The following DMRT1 variants were observed in gnomAD, a reference collection of about 807,000 sequenced individuals.
DMRT1 encodes the protein doublesex- and mab-3-related transcription factor 1.
A neutral mutation model predicts 32.3 loss-of-function variants in DMRT1; 7 were observed. That is an observed-to-expected ratio of 0.22 (90% CI 0.12 to 0.41). DMRT1 has a LOEUF of 0.41. Ranked by LOEUF, DMRT1 falls within the 10% of genes least tolerant of loss-of-function variation. The probability of loss-of-function intolerance (pLI) is 1.00; values close to 1 mark genes in which losing one functional copy is unlikely to be tolerated. For synonymous variants in DMRT1, 278 were observed against 206.1 expected (o/e 1.35, Z -2.99); for missense variants, 625 against 500.5 (o/e 1.25, Z -2.37).
chr9:883,441 A>G (rs1211219763), intron 2 of DMRT1, among the ~76,000 whole-genome samples: 4 of 151,996 alleles, frequency 2.6e-5, no homozygotes, highest in Admixed American at 2.6e-4. Flanking sequence ...AGTGCCATGA[A>G]ATCAGTCATC....
At chr9:899,446 A>G (rs16925534) in intron 3 of DMRT1, among the ~76,000 whole-genome samples, 22,908 of 152,136 alleles carry the variant, frequency 0.15, 3,616 homozygotes, top group African/African-American at 0.4. Context: ...GCAGTCTCCT[A>G]GCTCGGCATT....
At chr9:916,940 G>A in intron 4 of DMRT1, 33 bp downstream of exon 4, 1 of 1,613,758 alleles carries the variant, frequency 6.2e-7, no homozygotes, top group Non-Finnish European at 8.5e-7. Context: ...TGGATTTGGG[G>A]TTGAGAGAGG....
chr9:872,798 C>A (rs7021054), intron 2 of DMRT1, among the ~76,000 whole-genome samples: 2,908 of 152,252 alleles, frequency 0.019, 93 homozygotes, highest in African/African-American at 0.067. Context: ...TCAAAGCGGA[C>A]TTGGTGGTTC....
chr9:948,238 C>G (rs1819311015), intron 4 of DMRT1, among the ~76,000 whole-genome samples: 1 of 152,172 alleles, frequency 6.6e-6, no homozygotes, highest in African/African-American at 2.4e-5. Context: ...AGGCCCGCCC[C>G]TCCTCCCCTC....
chr9:854,800 C>G (rs1815321019), intron 2 of DMRT1, among the ~76,000 whole-genome samples: 1 of 135,742 alleles, frequency 7.4e-6, no homozygotes, highest in Non-Finnish European at 1.6e-5. Flanking sequence ...GAGTCTCACT[C>G]TGTCACCCAG....
At position 928,828 on chromosome 9, in the gene DMRT1, TTTTA is replaced by T. The variant is rs201035344; in HGVS notation, c.967+11937_967+11940del. ...AAATTATTTGTTTCTGAAATTTAAA[TTTTA>T]TTTATTTATTTATTTTTATTTATTT... On this transcript the variant is annotated intron_variant, in intron 4 of 4. Transcript: ENST00000382276. Among the ~76,000 whole-genome samples, 786 of 151,878 alleles carry T rather than the reference TTTTA, an allele frequency of 5.2e-3. 4 individuals carry two copies. The highest frequency in any genetic ancestry group is 7.8e-3 in the Non-Finnish European group (530 of 67,944).
intron 1 of DMRT1, among the ~76,000 whole-genome samples, chr9:844,052 G>C (rs868697886): frequency 2.0e-5 from 3 of 152,112 alleles, no homozygotes; most frequent in Non-Finnish European, 2.9e-5. Flanking sequence ...TTAGTCGTTG[G>C]CTTATTTAGT....
intron 4 of DMRT1, among the ~76,000 whole-genome samples, chr9:937,250 G>A (rs1389829576): frequency 6.6e-6 from 1 of 152,182 alleles, no homozygotes; most frequent in Admixed American, 6.5e-5. Flanking sequence ...TTCTTCTGTT[G>A]ATGGGCACTT....
At chr9:959,224 T>C (rs1375105649) in intron 4 of DMRT1, among the ~76,000 whole-genome samples, 1 of 152,268 alleles carries the variant, frequency 6.6e-6, no homozygotes, top group African/African-American at 2.4e-5. Flanking sequence ...TATTTAAGTC[T>C]GTTTTCAAAT....
In DMRT1 at chr9:915,409, ACTGCTTCTTATAT is replaced by A. The variant is rs1288840417; in HGVS notation, c.823-1353_823-1341del. 5.9e-5 allele frequency among the ~76,000 whole-genome samples: 9 copies of A among 152,298 alleles called. No homozygotes were observed. The East Asian group carries it at 1.7e-3, about 29-fold the overall frequency. ...AGAATCAGGAAGCCACAGGGAATGAACTGCTTCTTATATAAAAGCTATCTCATGGTCCTAAAGG... is the reference window on the plus strand; with the variant it reads ...AGAATCAGGAAGCCACAGGGAATGAAAAAAGCTATCTCATGGTCCTAAAGG... On this transcript the variant is annotated intron_variant, in intron 3 of 4. Coordinates refer to ENST00000382276, the MANE Select transcript of DMRT1 (RefSeq NM_021951.3).
At chr9:897,181 C>T (rs1017995035) in intron 3 of DMRT1, among the ~76,000 whole-genome samples, 2 of 151,442 alleles carry the variant, frequency 1.3e-5, no homozygotes, top group African/African-American at 4.9e-5. Context: ...GGCGCCATCT[C>T]GGCTCACTGC....
At chr9:958,452 C>T (rs1586665460) in intron 4 of DMRT1, among the ~76,000 whole-genome samples, 2 of 152,150 alleles carry the variant, frequency 1.3e-5, no homozygotes, top group Admixed American at 6.5e-5. Flanking sequence ...CTGCAACCTC[C>T]ACCTCCTGGC....
chr9:951,767 C>T (rs528720912), intron 4 of DMRT1, among the ~76,000 whole-genome samples: 9 of 152,218 alleles, frequency 5.9e-5, no homozygotes, highest in African/African-American at 1.7e-4. Context: ...CCACAGGATA[C>T]CTAAGAACAG....
intron 3 of DMRT1, among the ~76,000 whole-genome samples, chr9:901,591 T>C (rs1479945722): frequency 1.3e-5 from 2 of 152,080 alleles, no homozygotes; most frequent in Non-Finnish European, 2.9e-5. Flanking sequence ...CCTCCCAAAG[T>C]GCTGGGATTA....
intron 2 of DMRT1, among the ~76,000 whole-genome samples, chr9:879,395 A>C (rs1027954893): frequency 2.0e-5 from 3 of 152,200 alleles, no homozygotes; most frequent in African/African-American, 7.2e-5. Context: ...TTAAAAAAAA[A>C]CAAGAGAGTG....
intron 3 of DMRT1, among the ~76,000 whole-genome samples, chr9:915,834 G>A (rs1272637946): frequency 2.6e-5 from 4 of 151,840 alleles, no homozygotes; most frequent in African/African-American, 9.7e-5. Flanking sequence ...CCGGGTTCAC[G>A]CCATTCTCCT....
chr9:904,151 A>C (rs1159817748), intron 3 of DMRT1, among the ~76,000 whole-genome samples: 1 of 152,220 alleles, frequency 6.6e-6, no homozygotes, highest in Non-Finnish European at 1.5e-5. Flanking sequence ...TCATTTGGGG[A>C]TTCTGTAATT....
intron 2 of DMRT1, among the ~76,000 whole-genome samples, chr9:883,903 T>G (rs1816828424): frequency 6.6e-6 from 1 of 152,046 alleles, no homozygotes. Context: ...GGTGAATAAT[T>G]TTGCCTGACT....
intron 3 of DMRT1, among the ~76,000 whole-genome samples, chr9:907,989 A>G (rs1817839620): frequency 6.6e-6 from 1 of 152,228 alleles, no homozygotes; most frequent in South Asian, 2.1e-4. Context: ...CTGATGGCAG[A>G]TGGTGAAAAC....
Sources: allele counts gnomAD v4.1 joint callset (sites outside exome capture counted in the v4.1 genomes callset), GRCh38; gene constraint gnomAD v4.1.1; transcripts MANE v1.5; gene names NCBI Gene and HGNC (gene_info 2026-07-23, HGNC 2026-07-21).